The following ADGRB2 variants were observed in gnomAD, a reference collection of about 807,000 sequenced individuals.
The protein encoded by ADGRB2 is brain-specific angiogenesis inhibitor 2.
Under a neutral mutation model 178.7 loss-of-function variants are expected in ADGRB2, and 47 were observed. That is an observed-to-expected ratio of 0.26 (90% confidence interval 0.21 to 0.34). ADGRB2 has a LOEUF of 0.34. ADGRB2 is among the 10% of genes least tolerant of loss of function. The probability of loss-of-function intolerance (pLI) is 1.00; values close to 1 mark genes in which losing one functional copy is unlikely to be tolerated. For missense variants in ADGRB2, 1,584 were observed against 2,180.8 expected (o/e 0.73, Z 5.45); for synonymous variants, 870 against 912.4 (o/e 0.95, Z 0.84).
At position 31,742,092 on chromosome 1, in the gene ADGRB2, G is replaced by A; in HGVS notation, c.1378C>T (p.Leu460Phe). ...GPAWATCTGA[L>F]TDTRECSNLE... ...TTGCTGCACTCCCGGGTGTCAGTGA[G>A]GGCACCCGTGCATGTGGCCCAGGCT... is the stretch of plus-strand genomic sequence containing the variant. Residue 460 changes from leucine (L) to phenylalanine (F), a missense_variant, in exon 8 of 33, where the codon CTC becomes TTC. Leu to Phe is a conservative substitution (Grantham distance 22). Coordinates refer to ENST00000373658, the MANE Select transcript of ADGRB2 (RefSeq NM_001364857.2). 1 of 1,612,822 alleles carries A rather than the reference G, an allele frequency of 6.2e-7. No homozygotes were observed. Among genetic ancestry groups the A allele is most frequent in the Non-Finnish European group, 8.5e-7 (1 of 1,179,562 alleles).
rs775214885 is a variant in ADGRB2, at chr1:31,732,979, C to T, written c.3617G>A (p.Arg1206His). Residue 1206 changes from arginine (R) to histidine (H), a missense_variant, in exon 26 of 33, where the codon CGC becomes CAC. Physicochemically the swap from Arg to His is conservative, Grantham distance 29. Transcript: ENST00000373658. ...FVITAVHCFL[R>H]REVQDVVKCQ... ...GGAGAGGCCCAGCCCCACCTCTCGGCGCAGGAAGCAGTGCACAGCAGTGAT... is the reference window on the plus strand; with the variant it reads ...GGAGAGGCCCAGCCCCACCTCTCGGTGCAGGAAGCAGTGCACAGCAGTGAT... 7 of 1,554,604 alleles carry T rather than the reference C, an allele frequency of 4.5e-6. No individual in the cohort carries two copies. The highest frequency in any genetic ancestry group is 2.4e-5 in the East Asian group (1 of 41,248).
In ADGRB2 at chr1:31,739,927, T is replaced by C. The variant is rs1433649087; in HGVS notation, c.2166A>G (p.Leu722=). 5 of 1,613,588 alleles carry C rather than the reference T, an allele frequency of 3.1e-6. No individual in the cohort carries two copies. The highest frequency in any genetic ancestry group is 4.2e-6 in the Non-Finnish European group (5 of 1,179,512). Residue 722 remains leucine, a splice_region_variant and synonymous_variant, in exon 14 of 33, where the codon CTA becomes CTG. Coordinates refer to ENST00000373658, the MANE Select transcript of ADGRB2 (RefSeq NM_001364857.2). The part of the protein sequence containing the change: ...FQSSLIVTDN[L]VISIQREPVS... ...CCACCCTTGCCTGACTCCTTCTACC[T>C]AGATTATCTGTGACAATCAGAGAGC... is the stretch of plus-strand genomic sequence containing the variant.
chr1:31,742,729 T>C lies in ADGRB2; in HGVS notation c.1252+109A>G, dbSNP rs1424416402. 6 of 1,275,268 alleles carry C rather than the reference T, an allele frequency of 4.7e-6. No homozygotes were observed. In the Middle Eastern group the frequency reaches 1.1e-3, roughly 236 times the overall value. 79.0% of individuals were successfully genotyped at this position (1,275,268 alleles called of 1,614,324 possible). On this transcript the variant is annotated intron_variant, in intron 7 of 32. Transcript: ENST00000373658. ...CCAGTCTCCCCATGCTTGGTCAAAG[T>C]TTAAGGGGCCCCCAGGGGCAGGTCA... is the stretch of plus-strand genomic sequence containing the variant.
At position 31,728,198 on chromosome 1, in the gene ADGRB2, C is replaced by A; in HGVS notation, c.4499G>T (p.Ser1500Ile). Residue 1500 changes from serine (S) to isoleucine (I), a missense_variant, in exon 31 of 33, where the codon AGC becomes ATC. This residue lies in a region of ADGRB2 where 865 missense variants were observed against 1,192.8 expected (regional missense o/e 0.73). Transcript: ENST00000373658. The surrounding 1 kb of genome is among the most constrained non-coding windows in gnomAD (Gnocchi z 6.7). The part of the protein sequence containing the change: ...QKFHTFDRYR[S>I]QSTAKREKRW... ...AGCCCTCACCTTGGCCGTGGACTGGCTGCGGTAGCGGTCGAAAGTGTGGAA... is the reference window on the plus strand; with the variant it reads ...AGCCCTCACCTTGGCCGTGGACTGGATGCGGTAGCGGTCGAAAGTGTGGAA... 1 of 1,614,202 alleles carries A rather than the reference C, an allele frequency of 6.2e-7. No individual in the cohort carries two copies. Among genetic ancestry groups the A allele is most frequent in the South Asian group, 1.1e-5 (1 of 91,088 alleles).
intron 2 of ADGRB2, 44 bp from the exon 3 acceptor site, chr1:31,757,325 T>G: frequency 7.0e-7 from 1 of 1,435,866 alleles, no homozygotes; most frequent in South Asian, 1.2e-5. Context: ...ATGATTTGCT[T>G]TTTTATAAAT....
Position 31,744,836 on chromosome 1 carries a change from A to G in ADGRB2, c.839-105T>C, listed in dbSNP as rs1646193328. The G allele has an allele frequency of 9.5e-7, 1 of 1,053,992 alleles. No homozygotes were observed. The highest frequency in any genetic ancestry group is 1.9e-5 in the Admixed American group (1 of 52,642). 65.3% of individuals were successfully genotyped at this position (1,053,992 alleles called of 1,614,324 possible). Reference sequence around the variant, plus strand: ...CTTGCCCTCCGCCTGAGGGCCTGGAACCAACTGCATGATGCTCTCTCAGGA... The same window carrying G: ...CTTGCCCTCCGCCTGAGGGCCTGGAGCCAACTGCATGATGCTCTCTCAGGA... On this transcript the variant is annotated intron_variant, in intron 4 of 32. Coordinates refer to ENST00000373658, the MANE Select transcript of ADGRB2 (RefSeq NM_001364857.2). This position sits in a 1 kb window ranked among gnomAD's most constrained non-coding sequence, Gnocchi z 6.7.
Position 31,753,615 on chromosome 1 carries a change from T to G in ADGRB2, c.838+2384A>C, listed in dbSNP as rs749745677. ...ATCCCCACGAATCTTGCTCTCAGTC[T>G]GGCAGCTGCAGGTGCCAGTCCATTC... On this transcript the variant is annotated intron_variant, in intron 4 of 32. Coordinates refer to ENST00000373658, the MANE Select transcript of ADGRB2 (RefSeq NM_001364857.2). The surrounding 1 kb of genome is among the most constrained non-coding windows in gnomAD (Gnocchi z 4.1). Among the ~76,000 whole-genome samples, 3 of 152,172 alleles carry G rather than the reference T, an allele frequency of 2.0e-5. No homozygotes were observed. Among genetic ancestry groups the G allele is most frequent in the Non-Finnish European group, 4.4e-5 (3 of 68,010 alleles).
chr1:31,738,807 G>T, intron 16 of ADGRB2, 25 bp downstream of exon 16: 1 of 1,612,340 alleles, frequency 6.2e-7, no homozygotes, highest in Non-Finnish European at 8.5e-7. Flanking sequence ...GTGCACCCAA[G>T]GTCTCTGCAT....
chr1:31,745,426 T>C lies in ADGRB2; in HGVS notation c.839-695A>G, dbSNP rs559524097. ...CAGCAGGTGCTCGAGGAGGCCAGGC[T>C]ACCTTGACCCTGGCCCCACCAGGCT... is the stretch of plus-strand genomic sequence containing the variant. On this transcript the variant is annotated intron_variant, in intron 4 of 32. Coordinates refer to ENST00000373658, the MANE Select transcript of ADGRB2 (RefSeq NM_001364857.2). Among the ~76,000 whole-genome samples, 3 of 152,326 alleles carry C rather than the reference T, an allele frequency of 2.0e-5. No homozygotes were observed. The East Asian group carries it at 5.8e-4, about 29-fold the overall frequency.
At chr1:31,746,918 C>T (rs768119196) in intron 4 of ADGRB2, among the ~76,000 whole-genome samples, 24 of 152,230 alleles carry the variant, frequency 1.6e-4, no homozygotes, top group African/African-American at 5.8e-4. Context: ...CCCTCTGTTT[C>T]CCTCCTCCGT....
rs1215623443 is a variant in ADGRB2, at chr1:31,733,359, C to T, written c.3453-216G>A. Among the ~76,000 whole-genome samples the T allele has an allele frequency of 5.3e-5, 8 of 152,124 alleles. No homozygotes were observed. The highest frequency in any genetic ancestry group is 1.0e-4 in the Non-Finnish European group (7 of 68,032). On this transcript the variant is annotated intron_variant, in intron 25 of 32. Transcript: ENST00000373658. This position sits in a 1 kb window ranked among gnomAD's most constrained non-coding sequence, Gnocchi z 4.3. ...AAAGCAGCGAACTACGGGGTCAGAG[C>T]AGGGACCAGGAAGGTGGGGAAGGAC...
chr1:31,743,032 G>A (rs917796607), intron 6 of ADGRB2, 30 bp from the exon 7 acceptor site: 2 of 1,379,418 alleles, frequency 1.4e-6, no homozygotes. Flanking sequence ...CGGTGGCTGG[G>A]CGGCACCATG....
intron 4 of ADGRB2, among the ~76,000 whole-genome samples, chr1:31,745,959 G>T (rs963485700): frequency 6.6e-6 from 1 of 152,140 alleles, no homozygotes; most frequent in African/African-American, 2.4e-5. Context: ...TTCCCTCCAC[G>T]TCAGTCACCA....
chr1:31,751,285 A>G (rs1425915452), intron 4 of ADGRB2, among the ~76,000 whole-genome samples: 1 of 152,206 alleles, frequency 6.6e-6, no homozygotes, highest in East Asian at 1.9e-4. Flanking sequence ...GCGGCTCACA[A>G]ATGTGCCATT....
At chr1:31,757,945 C>G (rs910751343) in intron 1 of ADGRB2, among the ~76,000 whole-genome samples, 1 of 152,192 alleles carries the variant, frequency 6.6e-6, no homozygotes, top group Non-Finnish European at 1.5e-5. Flanking sequence ...CCGACCCATA[C>G]AGACACACAG....
chr1:31,728,474 C>T lies in ADGRB2; in HGVS notation c.4416+124G>A. 1 of 1,483,796 alleles carries T rather than the reference C, an allele frequency of 6.7e-7. No homozygotes were observed. Among genetic ancestry groups the T allele is most frequent in the East Asian group, 2.3e-5 (1 of 44,110 alleles). 91.9% of individuals were successfully genotyped at this position (1,483,796 alleles called of 1,614,324 possible). ...GAATCATGGGAAGATCCCACGGAAC[C>T]CCCGGGCTTGGGCTCCTGGGGTCAG... is the stretch of plus-strand genomic sequence containing the variant. On this transcript the variant is annotated intron_variant, in intron 30 of 32. Coordinates refer to ENST00000373658, the MANE Select transcript of ADGRB2 (RefSeq NM_001364857.2). The surrounding 1 kb of genome is among the most constrained non-coding windows in gnomAD (Gnocchi z 6.7).
chr1:31,752,984 G>A (rs1646654136), intron 4 of ADGRB2, among the ~76,000 whole-genome samples: 1 of 152,176 alleles, frequency 6.6e-6, no homozygotes. Flanking sequence ...GCCCACAGGG[G>A]AGGTAGGGAT....
chr1:31,727,246 T>C lies in ADGRB2; in HGVS notation c.*174A>G, dbSNP rs1569670385. 54 of 715,082 alleles carry C rather than the reference T, an allele frequency of 7.6e-5. 1 individual carries two copies. The East Asian group carries it at 1.9e-3, about 25-fold the overall frequency. The allele number at this position is 715,082 out of a possible 1,614,324, so 44.3% of individuals were successfully genotyped here. A position where few individuals can be genotyped will look rare whatever the true frequency, so the allele number is the denominator to read the frequency against. ...GCCTCTGAGAAACAAGGAAGGGCCC[T>C]GGGACCCCAGGCCAAGCCATGTCCG... On this transcript the variant is annotated 3_prime_UTR_variant, in exon 33 of 33. Transcript: ENST00000373658. The surrounding 1 kb of genome is among the most constrained non-coding windows in gnomAD (Gnocchi z 4.4).
At chr1:31,760,931 G>A (rs1022827068) in intron 1 of ADGRB2, 1 of 152,134 alleles carries the variant, frequency 6.6e-6, no homozygotes, top group Non-Finnish European at 1.5e-5. Flanking sequence ...GCCAGAGAGG[G>A]TCGCTCTCTT....
Sources: gnomAD v4.1 joint callset for allele counts (sites outside exome capture counted in the v4.1 genomes callset) on GRCh38, gnomAD v4.1.1 for gene constraint, gnomAD v4.1.1 regional missense constraint, Gnocchi (gnomAD v3.1) non-coding constraint, MANE v1.5 for transcripts, NCBI Gene and HGNC (gene_info 2026-07-23, HGNC 2026-07-21) for gene names.